Variants in IPP observed in about 807,000 individuals in gnomAD.
IPP encodes the protein intracisternal A particle-promoted polypeptide.
In IPP, 41 loss-of-function variants were observed where a neutral mutation model predicts 64.1. The observed-to-expected ratio is 0.64, with a 90% CI of 0.50 to 0.83. IPP has a LOEUF of 0.83. Among genes scored for constraint, IPP ranks in the 40% least tolerant of loss-of-function variants. The pLI is 0.00. For synonymous variants in IPP, 214 were observed against 235.2 expected (o/e 0.91, Z 0.83); for missense variants, 649 against 703.0 (o/e 0.92, Z 0.87).
chr1:45,745,675 A>G (rs61784824), intron 2 of IPP, among the ~76,000 whole-genome samples: 42,959 of 151,136 alleles, frequency 0.28, 6,248 homozygotes, highest in South Asian at 0.37. Flanking sequence ...TGGCTAACAC[A>G]GTGAAATCCT....
Position 45,729,615 on chromosome 1 carries a change from T to A in IPP, c.879A>T (p.Val293=). The A allele has an allele frequency of 6.2e-7, 1 of 1,607,640 alleles. No individual in the cohort carries two copies. Among genetic ancestry groups the A allele is most frequent in the South Asian group, 1.1e-5 (1 of 89,554 alleles). Residue 293 remains valine (V), a splice_region_variant and synonymous_variant, in exon 4 of 9, where the codon GTA becomes GTT. Coordinates refer to ENST00000396478, the MANE Select transcript of IPP (RefSeq NM_005897.3). ...RKKARKYLYA[V]GGYTRLQGGR... ...TTACTTTTTTAAGGGCTCTCTCACCTACTGCATACAGGTACTTTCTTGCTT... is the reference window on the plus strand; with the variant it reads ...TTACTTTTTTAAGGGCTCTCTCACCAACTGCATACAGGTACTTTCTTGCTT...
chr1:45,713,504 G>A (rs1484584438), intron 8 of IPP, among the ~76,000 whole-genome samples: 1 of 151,900 alleles, frequency 6.6e-6, no homozygotes, highest in East Asian at 1.9e-4. Flanking sequence ...AGGTTGTGGT[G>A]AGGTGAGATG....
Position 45,716,952 on chromosome 1 carries a change from C to G in IPP, c.1252G>C (p.Glu418Gln). The change falls in exon 7 of 9, where the codon GAA (glutamate) becomes CAA (glutamine). Residue 418 changes from glutamate to glutamine, a missense_variant. Glu to Gln is a conservative substitution (Grantham distance 29, BLOSUM62 2). Transcript: ENST00000396478. Reference sequence around the variant, plus strand: ...GACACAGCCATGTTACCAACTACTTCCCATTTATTTTCATCAGGATCAAAT... The same window carrying G: ...GACACAGCCATGTTACCAACTACTTGCCATTTATTTTCATCAGGATCAAAT... ...ERFDPDENKW[E>Q]VVGNMAVSRY... 6.2e-7 allele frequency: 1 copy of G among 1,612,596 alleles called. No individual in the cohort carries two copies. The highest frequency in any genetic ancestry group is 1.1e-5 in the South Asian group (1 of 90,968).
intron 5 of IPP, among the ~76,000 whole-genome samples, chr1:45,725,500 T>C (rs2148567014): frequency 7.4e-6 from 1 of 134,962 alleles, no homozygotes; most frequent in Non-Finnish European, 1.6e-5. Context: ...AGCCGCCCCA[T>C]CCGGGAGGTG....
exon 9 of IPP, chr1:45,698,707 ATTTTTTTTTCTT>A: frequency 2.3e-6 from 2 of 865,980 alleles, no homozygotes; most frequent in Non-Finnish European, 2.7e-6. Context: ...AAAAGGAAGA[ATTTTTTTTTCTT>A]TTTTTTTTTT....
intron 5 of IPP, among the ~76,000 whole-genome samples, chr1:45,722,084 A>C (rs746152100): frequency 5.9e-5 from 9 of 151,500 alleles, no homozygotes; most frequent in African/African-American, 9.7e-5. Context: ...AAAGAAACAA[A>C]CAACCAACAA....
chr1:45,744,856 T>G (rs1000546788), intron 2 of IPP, among the ~76,000 whole-genome samples: 1 of 151,796 alleles, frequency 6.6e-6, no homozygotes, highest in African/African-American at 2.4e-5. Flanking sequence ...AAAAAAATTT[T>G]TTTTTAGCCT....
intron 7 of IPP, among the ~76,000 whole-genome samples, chr1:45,715,667 A>T (rs1316739287): frequency 6.6e-6 from 1 of 152,044 alleles, no homozygotes; most frequent in African/African-American, 2.4e-5. Context: ...ATGTGGGCTA[A>T]ATATTAGTAT....
At chr1:45,708,306 T>G (rs556193576) in intron 8 of IPP, among the ~76,000 whole-genome samples, 1 of 151,374 alleles carries the variant, frequency 6.6e-6, no homozygotes, top group East Asian at 2.0e-4. Flanking sequence ...CCTCCTGATC[T>G]GCCCGCCTCG....
At chr1:45,708,061 T>G (rs1474395271) in intron 8 of IPP, among the ~76,000 whole-genome samples, 2 of 151,708 alleles carry the variant, frequency 1.3e-5, no homozygotes, top group African/African-American at 2.4e-5. Context: ...TTATTTTATT[T>G]TATTTTTACT....
rs1422911161 is a variant in IPP at position 45,746,248 on chromosome 1, A to G, written c.164T>C (p.Leu55Ser). 6.2e-7 allele frequency: 1 copy of G among 1,614,074 alleles called. No individual in the cohort carries two copies. Among genetic ancestry groups the G allele is most frequent in the Non-Finnish European group, 8.5e-7 (1 of 1,180,012 alleles). Residue 55 changes from leucine to serine, a missense_variant, in exon 2 of 9, where the codon TTG (leucine) becomes TCG (serine). Physicochemically the swap from Leu to Ser is moderately radical, Grantham distance 145 (BLOSUM62 -2). Coordinates refer to ENST00000396478, the MANE Select transcript of IPP (RefSeq NM_005897.3). ...TGCAAAGTAAGGACTGCTGGCAGCC[A>G]AAACCAGCCGATGAGCTTTAAAACT... ...QESFKAHRLV[L>S]AASSPYFAAL... is the part of the protein sequence containing the mutation.
downstream of IPP, chr1:45,698,614 T>A (rs1645408304): frequency 1.1e-6 from 1 of 909,452 alleles, no homozygotes; most frequent in Admixed American, 6.2e-5. Flanking sequence ...CAAGTACAAA[T>A]AAATTTTACA....
At chr1:45,707,326 G>A (rs1645524472) in intron 8 of IPP, among the ~76,000 whole-genome samples, 1 of 150,948 alleles carries the variant, frequency 6.6e-6, no homozygotes, top group African/African-American at 2.4e-5. Flanking sequence ...GGGAGGTTGA[G>A]GCAGGAGAAT....
rs1646134802 is a variant in IPP at position 45,746,439 on chromosome 1, GT to G, written c.-29del. On this transcript the variant is annotated 5_prime_UTR_variant, in exon 2 of 9. The change abolishes the stop of an existing upstream ORF in the 5' untranslated region. Transcript: ENST00000396478. ...TGACGGTAGATTAATTAAAAGGACT[GT>G]TGCCCATAATCTGTTACTACCCTGA... The G allele has an allele frequency of 6.4e-7, 1 of 1,572,258 alleles. No individual in the cohort carries two copies. Among genetic ancestry groups the G allele is most frequent in the Non-Finnish European group, 8.7e-7 (1 of 1,150,094 alleles).
intron 8 of IPP, among the ~76,000 whole-genome samples, chr1:45,704,395 G>A (rs536685345): frequency 1.2e-4 from 19 of 152,100 alleles, no homozygotes; most frequent in African/African-American, 3.9e-4. Flanking sequence ...CTGCCACCAC[G>A]CCCAGCTAAC....
chr1:45,695,214 G>C (rs1204590141), downstream of IPP, among the ~76,000 whole-genome samples: 1 of 152,180 alleles, frequency 6.6e-6, no homozygotes, highest in Non-Finnish European at 1.5e-5. Context: ...GCTCAGGCCA[G>C]AGTGTAGTGG....
Position 45,729,659 on chromosome 1 carries a change from T to C in IPP, c.835A>G (p.Lys279Glu). The change falls in exon 4 of 9, where the codon AAG becomes GAG. Residue 279 changes from lysine (K) to glutamate (E), a missense_variant. By Grantham distance (56) the Lys-to-Glu change is moderately conservative (BLOSUM62 1). Transcript: ENST00000396478. ...NKFCSFLQTS[K>E]VRPRKKARKY... ...CTTGCTTTCTTCCGAGGTCGAACCT[T>C]AGATGTCTGCAGAAAACTACAAAAC... The C allele has an allele frequency of 1.2e-6, 2 of 1,613,472 alleles. No homozygotes were observed. Among genetic ancestry groups the C allele is most frequent in the Non-Finnish European group, 1.7e-6 (2 of 1,179,634 alleles).
chr1:45,750,417 G>A (rs1273325702), intron 1 of IPP, among the ~76,000 whole-genome samples, 180 bp downstream of exon 1: 1 of 152,234 alleles, frequency 6.6e-6, no homozygotes, highest in African/African-American at 2.4e-5. Context: ...GAGAAGGTCT[G>A]GGGAGGGCGA....
chr1:45,708,210 G>A (rs1300175166), intron 8 of IPP, among the ~76,000 whole-genome samples: 1 of 151,498 alleles, frequency 6.6e-6, no homozygotes, highest in Non-Finnish European at 1.5e-5. Context: ...GACTACAGAC[G>A]CCAGCCACCA....
Sources: allele counts gnomAD v4.1 joint callset (sites outside exome capture counted in the v4.1 genomes callset), GRCh38; gene constraint gnomAD v4.1.1; transcripts MANE v1.5; gene names NCBI Gene and HGNC (gene_info 2026-07-23, HGNC 2026-07-21).